Variants in ST18 observed in about 807,000 individuals in gnomAD.
The protein encoded by ST18 is suppression of tumorigenicity 18 protein.
Under a neutral mutation model 110.0 loss-of-function variants are expected in ST18, and 50 were observed. The ratio of observed to expected loss-of-function variants is 0.45; its 90% CI spans 0.36 to 0.58. The LOEUF is 0.58. ST18 is among the 20% of genes least tolerant of loss of function. The pLI is 0.00. For missense variants in ST18, 1,306 were observed against 1,280.1 expected, an observed-to-expected ratio of 1.02 and a Z score of -0.31; for synonymous variants, 461 against 452.4, an observed-to-expected ratio of 1.02 and a Z score of -0.24.
intron 2 of ST18, among the ~76,000 whole-genome samples, chr8:52,376,557 AG>A (rs1832459423): frequency 6.6e-6 from 1 of 152,040 alleles, no homozygotes; most frequent in African/African-American, 2.4e-5. Context: ...TTCCATCTAT[AG>A]TACTCATCAT....
intron 2 of ST18, among the ~76,000 whole-genome samples, chr8:52,303,131 A>T (rs2095756206): frequency 6.6e-6 from 1 of 152,254 alleles, no homozygotes; most frequent in African/African-American, 2.4e-5. Context: ...TGGTGGCTTA[A>T]AATGACACAG....
chr8:52,220,180 A>G (rs1476026779), intron 5 of ST18, among the ~76,000 whole-genome samples: 1 of 152,038 alleles, frequency 6.6e-6, no homozygotes, highest in Non-Finnish European at 1.5e-5. Flanking sequence ...GGCCTTTACA[A>G]TTTTTTTCTT....
At chr8:52,342,452 T>C (rs1226826308) in intron 2 of ST18, among the ~76,000 whole-genome samples, 1 of 152,242 alleles carries the variant, frequency 6.6e-6, no homozygotes. Flanking sequence ...GTTTATTCAT[T>C]CAACAAACAT....
chr8:52,285,792 C>A (rs540478970), intron 2 of ST18, among the ~76,000 whole-genome samples: 1 of 152,322 alleles, frequency 6.6e-6, no homozygotes, highest in East Asian at 1.9e-4. Flanking sequence ...GGCTCTTTCC[C>A]AGGAGAAGCA....
intron 8 of ST18, among the ~76,000 whole-genome samples, chr8:52,211,143 T>C (rs1355108570): frequency 6.6e-6 from 1 of 152,100 alleles, no homozygotes. Context: ...TCTGCATGTG[T>C]TTCTTCTTTA....
intron 2 of ST18, among the ~76,000 whole-genome samples, chr8:52,280,684 A>G (rs565586429): frequency 6.6e-6 from 1 of 152,204 alleles, no homozygotes; most frequent in Non-Finnish European, 1.5e-5. Context: ...GGAACATATA[A>G]CAATTCGGGA....
intron 20 of ST18, 49 bp downstream of exon 20, chr8:52,133,190 T>C (rs2050456455): frequency 6.2e-7 from 1 of 1,614,078 alleles, no homozygotes; most frequent in African/African-American, 1.3e-5. Flanking sequence ...TCTCTCTGAC[T>C]GCTGCCGACA....
chr8:52,388,914 A>G (rs569106871), intron 2 of ST18, among the ~76,000 whole-genome samples: 2 of 150,354 alleles, frequency 1.3e-5, no homozygotes, highest in East Asian at 3.9e-4. Flanking sequence ...ATGTATACAT[A>G]TGTAACTAAC....
intron 2 of ST18, among the ~76,000 whole-genome samples, chr8:52,309,163 T>C (rs2095860165): frequency 6.6e-6 from 1 of 152,094 alleles, no homozygotes; most frequent in Admixed American, 6.5e-5. Flanking sequence ...GTGAGGGTGG[T>C]GGGTGGCGGT....
intron 2 of ST18, among the ~76,000 whole-genome samples, chr8:52,236,387 A>G (rs2137256928): frequency 6.6e-6 from 1 of 152,280 alleles, no homozygotes; most frequent in African/African-American, 2.4e-5. Flanking sequence ...AAGCGGGTGG[A>G]TCACTTGAGT....
At chr8:52,203,314 C>T (rs2078664298) in intron 8 of ST18, among the ~76,000 whole-genome samples, 1 of 152,246 alleles carries the variant, frequency 6.6e-6, no homozygotes, top group South Asian at 2.1e-4. Context: ...GGGAAACAGC[C>T]CCGGAACACA....
At chr8:52,238,309 C>A (rs1019273333) in intron 2 of ST18, among the ~76,000 whole-genome samples, 1 of 152,032 alleles carries the variant, frequency 6.6e-6, no homozygotes, top group Admixed American at 6.6e-5. Flanking sequence ...TGGAAACAAC[C>A]CAAATGTCTA....
At chr8:52,261,824 T>A (rs2094702380) in intron 2 of ST18, among the ~76,000 whole-genome samples, 1 of 152,200 alleles carries the variant, frequency 6.6e-6, no homozygotes, top group Non-Finnish European at 1.5e-5. Context: ...GAGAAATGTG[T>A]CTCATTCCAG....
chr8:52,211,492 C>T (rs1564090597), intron 8 of ST18, among the ~76,000 whole-genome samples: 1 of 151,416 alleles, frequency 6.6e-6, no homozygotes, highest in African/African-American at 2.4e-5. Flanking sequence ...CTGCAACCTC[C>T]GCTTCCCGGG....
chr8:52,178,634 A>AAAC (rs2067946025), intron 9 of ST18, among the ~76,000 whole-genome samples: 1 of 131,580 alleles, frequency 7.6e-6, no homozygotes, highest in African/African-American at 3.5e-5. Context: ...AAAAAAAAAA[A>AAAC]AAAAAAAAAC....
chr8:52,207,612 A>G (rs1268062347), intron 8 of ST18, among the ~76,000 whole-genome samples: 1 of 152,270 alleles, frequency 6.6e-6, no homozygotes, highest in Non-Finnish European at 1.5e-5. Flanking sequence ...ATAAAGTAAG[A>G]AATTATGTAA....
rs1011302781 is a variant in ST18, at chr8:52,125,847, T to C, written c.2755+205A>G. The C allele has an allele frequency of 1.3e-5, 7 of 533,506 alleles. No homozygotes were observed. The African/African-American group carries it at 1.3e-4, about 10-fold the overall frequency. The allele number at this position is 533,506 out of a possible 1,614,324, so 33.0% of individuals were successfully genotyped here. On this transcript the variant is annotated intron_variant, in intron 23 of 25. Transcript: ENST00000689386. ...ACTGCCTGACTTTCTCTGTTGGAGA[T>C]CACTCCTTATTTAAAAATAAGGAAA... is the stretch of plus-strand genomic sequence containing the variant.
chr8:52,157,128 C>T (rs1043494523), intron 15 of ST18, among the ~76,000 whole-genome samples: 1 of 152,132 alleles, frequency 6.6e-6, no homozygotes, highest in African/African-American at 2.4e-5. Flanking sequence ...TTTTTTGAAA[C>T]GTGTCCATTT....
chr8:52,318,834 C>G (rs185187051), intron 2 of ST18, among the ~76,000 whole-genome samples: 7 of 151,680 alleles, frequency 4.6e-5, no homozygotes, highest in Non-Finnish European at 7.4e-5. Context: ...AAACCAAATA[C>G]TGCGTATTCT....
Sources: allele counts gnomAD v4.1 joint callset (sites outside exome capture counted in the v4.1 genomes callset), GRCh38; gene constraint gnomAD v4.1.1; transcripts MANE v1.5; gene names NCBI Gene and HGNC (gene_info 2026-07-23, HGNC 2026-07-21).